The following ANKS1B variants were observed in gnomAD, a reference collection of about 807,000 sequenced individuals.
ANKS1B encodes the protein ankyrin repeat and sterile alpha motif domain-containing protein 1B.
In ANKS1B, 36 loss-of-function variants were observed where a neutral mutation model predicts 148.3. The ratio of observed to expected loss-of-function variants is 0.24; its 90% CI spans 0.19 to 0.32. ANKS1B has a LOEUF of 0.32. Among genes scored for constraint, ANKS1B ranks in the 10% least tolerant of loss-of-function variants. The probability of loss-of-function intolerance (pLI) is 1.00; values close to 1 mark genes in which losing one functional copy is unlikely to be tolerated. For synonymous variants in ANKS1B, 542 were observed against 560.8 expected (o/e 0.97, Z 0.47); for missense variants, 1,157 against 1,542.6 (o/e 0.75, Z 4.19).
intron 15 of ANKS1B, among the ~76,000 whole-genome samples, chr12:99,145,296 T>C (rs796177030): frequency 6.6e-6 from 1 of 151,948 alleles, no homozygotes; most frequent in South Asian, 2.1e-4. Context: ...TATGAGGCAG[T>C]GTATGCAAAG....
intron 19 of ANKS1B, among the ~76,000 whole-genome samples, chr12:98,827,219 T>C (rs746360451): frequency 2.6e-5 from 4 of 152,090 alleles, no homozygotes; most frequent in Non-Finnish European, 5.9e-5. Context: ...TTGATCAGAT[T>C]CCTGTGGTGT....
At chr12:99,806,337 C>A in intron 4 of ANKS1B, 67 bp downstream of exon 4, 1 of 1,571,236 alleles carries the variant, frequency 6.4e-7, no homozygotes. Flanking sequence ...TACAGGTTTT[C>A]ACATTTGAAT....
chr12:99,649,494 A>C (rs1399484097), intron 9 of ANKS1B: 53 of 935,614 alleles, frequency 5.7e-5, no homozygotes, highest in Non-Finnish European at 8.1e-5. Context: ...GGGTAGCAAC[A>C]GCAGTAGTGA....
chr12:99,338,527 C>A (rs2089363203), intron 12 of ANKS1B, among the ~76,000 whole-genome samples: 1 of 152,150 alleles, frequency 6.6e-6, no homozygotes, highest in South Asian at 2.1e-4. Context: ...TCCACTGTGA[C>A]CAAGCTGGTG....
intron 17 of ANKS1B, among the ~76,000 whole-genome samples, chr12:99,039,567 A>G (rs1219282756): frequency 6.6e-6 from 1 of 152,232 alleles, no homozygotes; most frequent in African/African-American, 2.4e-5. Context: ...ATAAGGAACT[A>G]GAAACTGAAA....
chr12:98,910,404 G>A (rs1276717018), intron 17 of ANKS1B, among the ~76,000 whole-genome samples: 3 of 152,178 alleles, frequency 2.0e-5, no homozygotes, highest in African/African-American at 7.2e-5. Flanking sequence ...AAGAAAATAG[G>A]ACAGGATTGC....
At chr12:99,383,816 C>G (rs1593581742) in intron 12 of ANKS1B, among the ~76,000 whole-genome samples, 2 of 139,884 alleles carry the variant, frequency 1.4e-5, no homozygotes, top group Middle Eastern at 3.8e-3. Context: ...AGTTCAAGAC[C>G]AGCCTAGGCA....
intron 12 of ANKS1B, among the ~76,000 whole-genome samples, chr12:99,315,676 T>A (rs1373327049): frequency 6.6e-6 from 1 of 152,054 alleles, no homozygotes; most frequent in Non-Finnish European, 1.5e-5. Flanking sequence ...ACTATCTAAT[T>A]TTTTTTTATT....
chr12:98,864,067 G>T (rs1361574984), intron 17 of ANKS1B, among the ~76,000 whole-genome samples: 1 of 151,510 alleles, frequency 6.6e-6, no homozygotes, highest in Non-Finnish European at 1.5e-5. Flanking sequence ...TCTGTTCCTT[G>T]AAGGAAGGAA....
At chr12:99,973,472 C>A (rs1430208118) in intron 1 of ANKS1B, among the ~76,000 whole-genome samples, 1 of 152,186 alleles carries the variant, frequency 6.6e-6, no homozygotes, top group Non-Finnish European at 1.5e-5. Context: ...CCCAGCTACA[C>A]AGGAGGCTGA....
rs141057261 is a variant in ANKS1B, at chr12:99,597,766, C to T, written c.1272+57301G>A. The stretch of plus-strand genomic sequence containing the variant: ...ATATCAAATGGACTTTCAAAAACAT[C>T]GAATGGCGCCTATAAAATGGAGATC... On this transcript the variant is annotated intron_variant, in intron 9 of 26. Transcript: ENST00000683438. 7.0e-3 allele frequency among the ~76,000 whole-genome samples: 1,066 copies of T among 152,020 alleles called. 9 individuals are homozygous for T. The highest frequency in any genetic ancestry group is 0.022 in the South Asian group (104 of 4,824).
At chr12:99,490,927 T>A (rs2096548732) in intron 10 of ANKS1B, among the ~76,000 whole-genome samples, 1 of 152,334 alleles carries the variant, frequency 6.6e-6, no homozygotes, top group Admixed American at 6.5e-5. Context: ...ATTGTAAGAT[T>A]TCTACAAGAT....
chr12:99,582,505 C>A (rs2097580532), intron 9 of ANKS1B, among the ~76,000 whole-genome samples: 1 of 152,230 alleles, frequency 6.6e-6, no homozygotes, highest in East Asian at 1.9e-4. Flanking sequence ...AATAATGCTA[C>A]TCAGCAATGA....
chr12:99,093,311 G>A lies in ANKS1B; in HGVS notation c.2527-8288C>T, dbSNP rs573581610. The A allele has an allele frequency of 2.0e-5, 3 of 152,366 alleles. No individual in the cohort carries two copies. The East Asian group carries it at 5.8e-4, about 29-fold the overall frequency. The allele number at this position is 152,366 out of a possible 1,614,324, so 9.4% of individuals were successfully genotyped here. A position where few individuals can be genotyped will look rare whatever the true frequency, so the allele number is the denominator to read the frequency against. On this transcript the variant is annotated intron_variant, in intron 15 of 26. Coordinates refer to ENST00000683438, the MANE Select transcript of ANKS1B (RefSeq NM_001352186.2). The stretch of plus-strand genomic sequence containing the variant: ...CATGTTAATCAAAGTGACCCAAGGT[G>A]TTTGTGGCTAAAGCACTAACTAACT...
chr12:99,749,464 A>C (rs1438358630), intron 8 of ANKS1B, among the ~76,000 whole-genome samples: 1 of 152,110 alleles, frequency 6.6e-6, no homozygotes, highest in African/African-American at 2.4e-5. Context: ...ACTAGGATCC[A>C]TAAAAGCCTA....
intron 1 of ANKS1B, among the ~76,000 whole-genome samples, chr12:99,868,298 A>T (rs968892491): frequency 1.3e-5 from 2 of 152,214 alleles, no homozygotes; most frequent in Non-Finnish European, 2.9e-5. Context: ...ATGAGAATTT[A>T]CTGAGCTGTA....
In ANKS1B at chr12:99,525,822, T is replaced by C. The variant is rs112852120; in HGVS notation, c.1273-21181A>G. Among the ~76,000 whole-genome samples, 698 of 152,170 alleles carry C rather than the reference T, an allele frequency of 4.6e-3. 2 individuals are homozygous for C. The highest frequency in any genetic ancestry group is 8.2e-3 in the Non-Finnish European group (555 of 67,962). On this transcript the variant is annotated intron_variant, in intron 9 of 26. Transcript: ENST00000683438. The stretch of plus-strand genomic sequence containing the variant: ...ATAACCAAGGTTGTACAGAAAAAGA[T>C]TGATAAATTTGAATATATACTACTA...
chr12:99,063,638 A>G (rs1421825717), intron 16 of ANKS1B, among the ~76,000 whole-genome samples: 2 of 152,224 alleles, frequency 1.3e-5, no homozygotes, highest in Admixed American at 1.3e-4. Context: ...AATGATAAGA[A>G]CATCACTTAA....
At chr12:99,553,560 C>T (rs1225028503) in intron 9 of ANKS1B, among the ~76,000 whole-genome samples, 1 of 152,188 alleles carries the variant, frequency 6.6e-6, no homozygotes, top group East Asian at 1.9e-4. Flanking sequence ...CTCAACTCTA[C>T]TGATTCAGCA....
Sources: allele counts gnomAD v4.1 joint callset (sites outside exome capture counted in the v4.1 genomes callset), GRCh38; gene constraint gnomAD v4.1.1; transcripts MANE v1.5; gene names NCBI Gene and HGNC (gene_info 2026-07-23, HGNC 2026-07-21).